STXBP3: variants seen among roughly 807,000 people sequenced by gnomAD.
STXBP3 encodes the protein syntaxin binding protein 3, also known as syntaxin-binding protein 3.
In STXBP3, 41 loss-of-function variants were observed where a neutral mutation model predicts 85.7. The ratio of observed to expected loss-of-function variants is 0.48; its 90% confidence interval spans 0.37 to 0.62. The LOEUF is 0.62. Among genes scored for constraint, STXBP3 ranks in the 20% least tolerant of loss-of-function variants. The probability of loss-of-function intolerance (pLI) is 0.00; values close to 1 mark genes in which losing one functional copy is unlikely to be tolerated. For synonymous variants in STXBP3, 229 were observed against 231.7 expected, an observed-to-expected ratio of 0.99 and a Z score of 0.10; for missense variants, 563 against 703.1, an observed-to-expected ratio of 0.80 and a Z score of 2.25.
chr1:108,782,828 G>A (rs1417225390), intron 11 of STXBP3, 122 bp downstream of exon 11: 3 of 786,362 alleles, frequency 3.8e-6, no homozygotes, highest in Non-Finnish European at 6.0e-6. Flanking sequence ...GGTAGAGAAT[G>A]AACTCCTACG....
At chr1:108,797,412 A>C in intron 15 of STXBP3, among the ~76,000 whole-genome samples, 1 of 144,302 alleles carries the variant, frequency 6.9e-6, no homozygotes, top group East Asian at 2.1e-4. Flanking sequence ...ACTCTTTCCC[A>C]TCTTTTTTTT....
At chr1:108,774,617 C>T (rs1313075134) in intron 7 of STXBP3, among the ~76,000 whole-genome samples, 1 of 146,426 alleles carries the variant, frequency 6.8e-6, no homozygotes, top group African/African-American at 2.5e-5. Context: ...GTATTAGAAA[C>T]ATTCTTTTTC....
At chr1:108,795,000 T>TG (rs2101132111) in intron 13 of STXBP3, 93 bp downstream of exon 13, 2 of 1,118,994 alleles carry the variant, frequency 1.8e-6, no homozygotes, top group South Asian at 2.9e-5. Flanking sequence ...ATACAGTGGT[T>TG]GGTTTTTACA....
chr1:108,782,268 T>C, intron 9 of STXBP3, 154 bp from the exon 10 acceptor site: 1 of 583,506 alleles, frequency 1.7e-6, no homozygotes, highest in Non-Finnish European at 3.0e-6. Context: ...CAGCGTGCCT[T>C]AGTTTTGAGT....
intron 6 of STXBP3, among the ~76,000 whole-genome samples, chr1:108,763,597 CAG>C (rs1281491314): frequency 1.3e-5 from 2 of 151,952 alleles, no homozygotes; most frequent in Non-Finnish European, 2.9e-5. Context: ...TTTTTTGAGA[CAG>C]AGTTTCACTC....
chr1:108,774,718 A>G (rs537149282), intron 7 of STXBP3, among the ~76,000 whole-genome samples: 9 of 144,052 alleles, frequency 6.2e-5, no homozygotes, highest in East Asian at 6.1e-4. Context: ...GGCTCAAGCA[A>G]TCCACCTGCC....
At chr1:108,765,415 C>G (rs1048150004) in intron 6 of STXBP3, among the ~76,000 whole-genome samples, 3 of 152,112 alleles carry the variant, frequency 2.0e-5, no homozygotes, top group Non-Finnish European at 4.4e-5. Flanking sequence ...GTGGCTTGTC[C>G]TTATCTCCAG....
intron 6 of STXBP3, among the ~76,000 whole-genome samples, chr1:108,769,383 T>G (rs965718269): frequency 6.6e-6 from 1 of 152,174 alleles, no homozygotes; most frequent in African/African-American, 2.4e-5. Context: ...ACCTGTGTAC[T>G]TCAAGCCCTT....
At chr1:108,774,353 T>C (rs1440297786) in intron 7 of STXBP3, among the ~76,000 whole-genome samples, 1 of 152,158 alleles carries the variant, frequency 6.6e-6, no homozygotes, top group Non-Finnish European at 1.5e-5. Context: ...GTAGTAAATA[T>C]ATTGCACTAC....
chr1:108,747,071 G>T (rs1661802209), intron 1 of STXBP3, among the ~76,000 whole-genome samples: 1 of 72,772 alleles, frequency 1.4e-5, no homozygotes, highest in African/African-American at 4.9e-5. Context: ...GAGCCGCCCG[G>T]CCCGGCTTTC....
intron 17 of STXBP3, among the ~76,000 whole-genome samples, chr1:108,803,103 T>A (rs1663264893): frequency 6.6e-6 from 1 of 152,258 alleles, no homozygotes; most frequent in Non-Finnish European, 1.5e-5. Context: ...GACTTTTCTT[T>A]ACTTTTGTTT....
intron 12 of STXBP3, 109 bp downstream of exon 12, chr1:108,793,756 T>C: frequency 1.1e-6 from 1 of 880,826 alleles, no homozygotes; most frequent in Non-Finnish European, 1.7e-6. Context: ...CTTGGTGTTA[T>C]TTGTCCTCTA....
chr1:108,763,119 G>T (rs1433371836), intron 6 of STXBP3, among the ~76,000 whole-genome samples: 1 of 152,166 alleles, frequency 6.6e-6, no homozygotes, highest in African/African-American at 2.4e-5. Context: ...AAAACAACTG[G>T]CTAAAGAAAT....
chr1:108,788,482 A>G (rs527459260), intron 11 of STXBP3, among the ~76,000 whole-genome samples: 9 of 152,066 alleles, frequency 5.9e-5, no homozygotes, highest in African/African-American at 1.9e-4. Flanking sequence ...TGCTTGTTCT[A>G]TTGCTGCTTG....
At chr1:108,753,498 G>T (rs757479681) in intron 3 of STXBP3, among the ~76,000 whole-genome samples, 11 of 151,804 alleles carry the variant, frequency 7.2e-5, no homozygotes, top group Non-Finnish European at 1.5e-4. Flanking sequence ...CTTTAAAATG[G>T]ATATCAAGAT....
chr1:108,808,660 G>A (rs1663391674), intron 18 of STXBP3, 123 bp from the exon 19 acceptor site: 7 of 749,672 alleles, frequency 9.3e-6, no homozygotes, highest in African/African-American at 9.0e-5. Context: ...ATGTCTTACA[G>A]AAATTTTGTT....
At chr1:108,760,241 G>A (rs553450032) in intron 6 of STXBP3, among the ~76,000 whole-genome samples, 156 bp downstream of exon 6, 4 of 152,116 alleles carry the variant, frequency 2.6e-5, no homozygotes, top group South Asian at 4.1e-4. Context: ...GAAGTCAGAC[G>A]CGTGAGCAAT....
At chr1:108,755,989 T>A (rs1352673081) in intron 3 of STXBP3, among the ~76,000 whole-genome samples, 3 of 152,228 alleles carry the variant, frequency 2.0e-5, no homozygotes, top group Non-Finnish European at 4.4e-5. Context: ...TTTGTCAACA[T>A]GAATCTTGAA....
At chr1:108,757,702 TG>T (rs1174067935) in intron 4 of STXBP3, among the ~76,000 whole-genome samples, 1 of 152,068 alleles carries the variant, frequency 6.6e-6, no homozygotes, top group African/African-American at 2.4e-5. Flanking sequence ...ACAGCCTTTT[TG>T]GAAAATAGTT....
Sources: gnomAD v4.1 joint callset for allele counts (sites outside exome capture counted in the v4.1 genomes callset) on GRCh38, gnomAD v4.1.1 for gene constraint, MANE v1.5 for transcripts, NCBI Gene and HGNC (gene_info 2026-07-23, HGNC 2026-07-21) for gene names.